THSD4: variants seen among roughly 807,000 people sequenced by gnomAD.
The protein encoded by THSD4 is thrombospondin type-1 domain-containing protein 4.
In THSD4, 69 loss-of-function variants were observed where a neutral mutation model predicts 119.0. The observed-to-expected ratio is 0.58, with a 90% CI of 0.48 to 0.71. THSD4 has a LOEUF of 0.71. Among genes scored for constraint, THSD4 ranks in the 30% least tolerant of loss-of-function variants. The pLI is 0.00. For synonymous variants in THSD4, 524 were observed against 540.4 expected, an observed-to-expected ratio of 0.97 and a Z score of 0.42; for missense variants, 1,393 against 1,391.1, an observed-to-expected ratio of 1.00 and a Z score of -0.02.
intron 8 of THSD4, among the ~76,000 whole-genome samples, chr15:71,715,676 A>C (rs925627000): frequency 1.3e-5 from 2 of 152,098 alleles, no homozygotes; most frequent in African/African-American, 2.4e-5. Flanking sequence ...TTAAAACATC[A>C]GCTGTCCATG....
chr15:71,660,835 G>T (rs147002696), intron 8 of THSD4, 101 bp downstream of exon 8: 3 of 1,354,390 alleles, frequency 2.2e-6, no homozygotes, highest in Non-Finnish European at 3.1e-6. Context: ...GAGTCCCGGG[G>T]CATGCAGGCA....
intron 4 of THSD4, among the ~76,000 whole-genome samples, chr15:71,219,087 C>T (rs1036609956): frequency 1.3e-5 from 2 of 152,122 alleles, no homozygotes; most frequent in South Asian, 2.1e-4. Flanking sequence ...TATGTAATAA[C>T]ACACGTAAAA....
At chr15:71,750,249 G>A (rs768321432) in intron 14 of THSD4, among the ~76,000 whole-genome samples, 3 of 152,198 alleles carry the variant, frequency 2.0e-5, no homozygotes, top group Non-Finnish European at 2.9e-5. Flanking sequence ...CTTTCACGCA[G>A]TTTGGGGATA....
chr15:71,229,753 A>G (rs1273292861), intron 4 of THSD4, among the ~76,000 whole-genome samples: 1 of 152,242 alleles, frequency 6.6e-6, no homozygotes, highest in Non-Finnish European at 1.5e-5. Context: ...ACTGAAGGTG[A>G]CAGACCTGCA....
At chr15:71,639,653 A>G (rs2050815448) in intron 7 of THSD4, among the ~76,000 whole-genome samples, 1 of 152,194 alleles carries the variant, frequency 6.6e-6, no homozygotes, top group Non-Finnish European at 1.5e-5. Flanking sequence ...AAGGCTGACA[A>G]TGACATTATG....
intron 3 of THSD4, among the ~76,000 whole-genome samples, chr15:71,214,767 G>GA (rs1246965015): frequency 6.6e-6 from 1 of 152,218 alleles, no homozygotes; most frequent in Non-Finnish European, 1.5e-5. Context: ...GGTTAAAGGG[G>GA]ACTCCTGAAA....
intron 1 of THSD4, among the ~76,000 whole-genome samples, chr15:71,098,201 T>A (rs2040239591): frequency 6.9e-6 from 1 of 145,154 alleles, no homozygotes; most frequent in East Asian, 2.0e-4. Context: ...TTTTTTTTTT[T>A]TTTTTTTTTT....
chr15:71,535,188 C>T (rs1595865457), intron 7 of THSD4, among the ~76,000 whole-genome samples: 1 of 152,338 alleles, frequency 6.6e-6, no homozygotes, highest in Middle Eastern at 3.4e-3. Context: ...TGTCTCCATA[C>T]ATTTGCCTAT....
rs138965950 is a variant in THSD4, at chr15:71,778,847, T to C, written c.*1473T>C. 3.3e-5 allele frequency: 5 copies of C among 152,396 alleles called. No individual in the cohort carries two copies. The highest frequency in any genetic ancestry group is 1.2e-4 in the African/African-American group (5 of 41,590). The allele number at this position is 152,396 out of a possible 1,614,324, so 9.4% of individuals were successfully genotyped here. A position where few individuals can be genotyped will look rare whatever the true frequency, so the allele number is the denominator to read the frequency against. On this transcript the variant is annotated 3_prime_UTR_variant, in exon 18 of 18. Coordinates refer to ENST00000261862, the MANE Select transcript of THSD4 (RefSeq NM_024817.3). ...CAGGCCTGGAAGGATGCAGTGCATA[T>C]TGAAAGGTGGACCCTCTGAAAACAG...
intron 7 of THSD4, among the ~76,000 whole-genome samples, chr15:71,544,796 A>G (rs771059218): frequency 6.6e-5 from 10 of 152,262 alleles, no homozygotes; most frequent in Non-Finnish European, 1.3e-4. Flanking sequence ...AAAATGTGGT[A>G]TATCCATACA....
chr15:71,345,409 T>G (rs112944045), intron 6 of THSD4, among the ~76,000 whole-genome samples: 1,789 of 152,262 alleles, frequency 0.012, 15 homozygotes, highest in Middle Eastern at 0.024. Context: ...CTGACCTCTG[T>G]GATTGGCCCT....
At chr15:71,293,092 C>T (rs892460304) in intron 6 of THSD4, among the ~76,000 whole-genome samples, 6 of 152,220 alleles carry the variant, frequency 3.9e-5, no homozygotes, top group Admixed American at 3.9e-4. Context: ...CCCCAGATGG[C>T]TGTCAGCTTT....
At chr15:71,642,621 T>TA (rs950493558) in intron 7 of THSD4, among the ~76,000 whole-genome samples, 2 of 152,284 alleles carry the variant, frequency 1.3e-5, no homozygotes, top group East Asian at 3.9e-4. Flanking sequence ...TATGCAGCCG[T>TA]AAAAAATGAT....
intron 7 of THSD4, among the ~76,000 whole-genome samples, chr15:71,659,744 G>T (rs955748580): frequency 6.6e-6 from 1 of 152,156 alleles, no homozygotes; most frequent in Non-Finnish European, 1.5e-5. Flanking sequence ...ACATAAAATG[G>T]TCCCAACGGA....
At chr15:71,601,380 C>T (rs545321377) in intron 7 of THSD4, among the ~76,000 whole-genome samples, 9 of 152,320 alleles carry the variant, frequency 5.9e-5, no homozygotes, top group South Asian at 4.1e-4. Context: ...GCTACTCTCA[C>T]ACCACTCCAG....
At chr15:71,646,588 A>G (rs1035226921) in intron 7 of THSD4, among the ~76,000 whole-genome samples, 3 of 152,240 alleles carry the variant, frequency 2.0e-5, no homozygotes, top group African/African-American at 7.2e-5. Flanking sequence ...ATAAAACATA[A>G]TATGCATTGA....
At chr15:71,491,451 G>GCTCAGCCCC (rs1179088515) in intron 7 of THSD4, among the ~76,000 whole-genome samples, 1 of 152,202 alleles carries the variant, frequency 6.6e-6, no homozygotes, top group African/African-American at 2.4e-5. Context: ...AAGCTAGCAC[G>GCTCAGCCCC]CTCAGCCCCC....
chr15:71,116,436 G>T (rs922181956), intron 1 of THSD4, among the ~76,000 whole-genome samples: 1 of 152,168 alleles, frequency 6.6e-6, no homozygotes, highest in Non-Finnish European at 1.5e-5. Flanking sequence ...GGATTTTAGG[G>T]CGTTCTCGGG....
At chr15:71,172,696 T>TGTCAC (rs1362176267) in intron 3 of THSD4, among the ~76,000 whole-genome samples, 10 of 91,962 alleles carry the variant, frequency 1.1e-4, no homozygotes, top group African/African-American at 5.8e-4. Flanking sequence ...TATATATATA[T>TGTCAC]ATATATATAT....
Sources: gnomAD v4.1 joint callset for allele counts (sites outside exome capture counted in the v4.1 genomes callset) on GRCh38, gnomAD v4.1.1 for gene constraint, MANE v1.5 for transcripts, NCBI Gene and HGNC (gene_info 2026-07-23, HGNC 2026-07-21) for gene names.